GHR: variants seen among roughly 807,000 people sequenced by gnomAD.
GHR encodes growth hormone receptor, also known as GH receptor.
GHR carries 35 observed loss-of-function variants against 67.1 expected under a neutral mutation model. The observed-to-expected ratio is 0.52, with a 90% CI of 0.40 to 0.69. The LOEUF is 0.69. Ranked by LOEUF, GHR falls within the 30% of genes least tolerant of loss-of-function variation. GHR has a pLI of 0.00. For synonymous variants in GHR, 272 were observed against 269.1 expected, an observed-to-expected ratio of 1.01 and a Z score of -0.10; for missense variants, 792 against 764.6, an observed-to-expected ratio of 1.04 and a Z score of -0.42.
At chr5:42,595,281 A>G (rs966859027) in intron 2 of GHR, among the ~76,000 whole-genome samples, 7 of 152,228 alleles carry the variant, frequency 4.6e-5, no homozygotes, top group Non-Finnish European at 1.0e-4. Context: ...TTCATTTTAT[A>G]ATGATCCTTG....
At chr5:42,670,220 C>T (rs990340478) in intron 3 of GHR, among the ~76,000 whole-genome samples, 3 of 152,196 alleles carry the variant, frequency 2.0e-5, no homozygotes, top group Admixed American at 6.5e-5. Context: ...TAAACCCACA[C>T]ATCTATGATC....
chr5:42,716,745 T>C (rs1561253503), intron 8 of GHR, among the ~76,000 whole-genome samples: 1 of 152,226 alleles, frequency 6.6e-6, no homozygotes, highest in African/African-American at 2.4e-5. Flanking sequence ...TAGTAGAGGC[T>C]ACTTAATGCA....
chr5:42,485,839 C>A (rs930954208), intron 1 of GHR, among the ~76,000 whole-genome samples: 2 of 152,184 alleles, frequency 1.3e-5, no homozygotes, highest in African/African-American at 4.8e-5. Context: ...CACGTAAGTG[C>A]TAGCCTTTCA....
intron 3 of GHR, among the ~76,000 whole-genome samples, chr5:42,654,369 T>C (rs7714419): frequency 0.83 from 126,315 of 152,074 alleles, 52,703 homozygotes; most frequent in East Asian, 1. Context: ...TGTAGGCAAA[T>C]GCATGTCCCG....
chr5:42,518,312 G>T (rs956154893), intron 1 of GHR, among the ~76,000 whole-genome samples: 1 of 152,032 alleles, frequency 6.6e-6, no homozygotes, highest in Non-Finnish European at 1.5e-5. Flanking sequence ...GTTGTTGGTT[G>T]TTTGTTCCCT....
At chr5:42,570,936 A>G (rs937218555) in intron 2 of GHR, among the ~76,000 whole-genome samples, 3 of 152,202 alleles carry the variant, frequency 2.0e-5, no homozygotes, top group African/African-American at 7.2e-5. Flanking sequence ...TAAGTGTGAC[A>G]GGGATGATAA....
At chr5:42,647,667 G>A (rs755981785) in intron 3 of GHR, 4 of 452,228 alleles carry the variant, frequency 8.8e-6, no homozygotes, top group South Asian at 6.3e-5. Flanking sequence ...TTACATGCAA[G>A]CCTAATGCAG....
intron 2 of GHR, among the ~76,000 whole-genome samples, chr5:42,583,710 GA>G (rs1751315281): frequency 6.6e-6 from 1 of 152,058 alleles, no homozygotes; most frequent in African/African-American, 2.4e-5. Flanking sequence ...AATCTACCTG[GA>G]AAACATTACC....
chr5:42,608,864 T>C (rs1271935215), intron 2 of GHR, among the ~76,000 whole-genome samples: 1 of 152,182 alleles, frequency 6.6e-6, no homozygotes, highest in Admixed American at 6.5e-5. Flanking sequence ...TTTTTGTGTG[T>C]GTTTCCATCA....
chr5:42,549,540 C>A, intron 1 of GHR: 1 of 313,510 alleles, frequency 3.2e-6, no homozygotes, highest in Non-Finnish European at 4.6e-6. Context: ...TTGAAATGTC[C>A]TTGAGCTGAG....
chr5:42,687,055 G>A (rs565035040), intron 3 of GHR, among the ~76,000 whole-genome samples: 6 of 152,194 alleles, frequency 3.9e-5, no homozygotes, highest in East Asian at 1.9e-4. Flanking sequence ...GCCAAATCAC[G>A]AGCAAACTCC....
intron 2 of GHR, among the ~76,000 whole-genome samples, chr5:42,576,128 TAAAATAAAATAAAATA>T (rs1750718267): frequency 2.2e-5 from 2 of 92,062 alleles, no homozygotes; most frequent in African/African-American, 9.5e-5. Flanking sequence ...TAAAATAAAA[TAAAATAAAATAAAATA>T]GTAAAGTAAA....
At chr5:42,626,884 TG>T (rs1753731368) in intron 2 of GHR, among the ~76,000 whole-genome samples, 2 of 152,190 alleles carry the variant, frequency 1.3e-5, no homozygotes, top group Non-Finnish European at 2.9e-5. Flanking sequence ...TGATCAGATG[TG>T]GGGAATTCTG....
chr5:42,650,317 G>T (rs533832924), intron 3 of GHR, among the ~76,000 whole-genome samples: 1 of 152,026 alleles, frequency 6.6e-6, no homozygotes, highest in Non-Finnish European at 1.5e-5. Flanking sequence ...TTGCCTGAGG[G>T]ATTTGCAAGC....
At chr5:42,471,711 C>T (rs1422402451) in intron 1 of GHR, among the ~76,000 whole-genome samples, 1 of 152,212 alleles carries the variant, frequency 6.6e-6, no homozygotes, top group Non-Finnish European at 1.5e-5. Context: ...GCAACAAGTA[C>T]TATACGTCTT....
At chr5:42,501,452 T>C (rs1746537582) in intron 1 of GHR, among the ~76,000 whole-genome samples, 1 of 152,112 alleles carries the variant, frequency 6.6e-6, no homozygotes, top group Admixed American at 6.5e-5. Flanking sequence ...TCCCCTAAAC[T>C]TCTATTCTTA....
chr5:42,446,177 AACTGC>A (rs1158381793), intron 1 of GHR, among the ~76,000 whole-genome samples: 2 of 152,194 alleles, frequency 1.3e-5, no homozygotes, highest in Non-Finnish European at 2.9e-5. Context: ...GTAGAGATAA[AACTGC>A]ACTCATAATG....
At chr5:42,474,307 A>AAGAAAGAAAGAAAGAAAGAAAG (rs1745174701) in intron 1 of GHR, among the ~76,000 whole-genome samples, 1 of 134,134 alleles carries the variant, frequency 7.5e-6, no homozygotes, top group African/African-American at 2.8e-5. Context: ...GAAAGAAAGA[A>AAGAAAGAAAGAAAGAAAGAAAG]AGAAAGAAAG....
chr5:42,424,657 A>T lies in GHR; in HGVS notation c.-12+702A>T. On this transcript the variant is annotated intron_variant, in intron 1 of 9. Coordinates refer to ENST00000230882, the MANE Select transcript of GHR (RefSeq NM_000163.5). This position sits in a 1 kb window ranked among gnomAD's most constrained non-coding sequence, Gnocchi z 4.1. ...AGCTTTTGACACACTAGTGGTTGTAAAATCAACCAGGCTTAAAGTTTTGAC... is the reference window on the plus strand; with the variant it reads ...AGCTTTTGACACACTAGTGGTTGTATAATCAACCAGGCTTAAAGTTTTGAC... 6.9e-7 allele frequency: 1 copy of T among 1,449,866 alleles called. No individual in the cohort carries two copies. The allele number at this position is 1,449,866 out of a possible 1,614,324, so 89.8% of individuals were successfully genotyped here. A position where few individuals can be genotyped will look rare whatever the true frequency, so the allele number is the denominator to read the frequency against.
Sources: gnomAD v4.1 joint callset for allele counts (sites outside exome capture counted in the v4.1 genomes callset) on GRCh38, gnomAD v4.1.1 for gene constraint, Gnocchi (gnomAD v3.1) non-coding constraint, MANE v1.5 for transcripts, NCBI Gene and HGNC (gene_info 2026-07-23, HGNC 2026-07-21) for gene names.